LRRC41: variants seen among roughly 807,000 people sequenced by gnomAD.
LRRC41 encodes leucine-rich repeat-containing protein 41.
In LRRC41, 17 loss-of-function variants were observed where a neutral mutation model predicts 72.1. The ratio of observed to expected loss-of-function variants is 0.24; its 90% CI spans 0.16 to 0.35. The LOEUF (loss-of-function observed/expected upper bound fraction) is 0.35, where lower values mean the gene tolerates loss of function less well. LRRC41 is among the 10% of genes least tolerant of loss of function. The pLI, the probability that LRRC41 is intolerant of heterozygous loss-of-function variation, is 1.00. For synonymous variants in LRRC41, 427 were observed against 431.0 expected (o/e 0.99, Z 0.11); for missense variants, 759 against 1,065.0 (o/e 0.71, Z 4.00).
rs1240598345 is a variant in LRRC41, at chr1:46,286,817, C to T, written c.358-318G>A. Among the ~76,000 whole-genome samples the T allele has an allele frequency of 6.6e-5, 10 of 152,022 alleles. No homozygotes were observed. The highest frequency in any genetic ancestry group is 6.6e-4 in the Admixed American group (10 of 15,244). The stretch of plus-strand genomic sequence containing the variant: ...CCATGTTTGTTTCTAGAACCTTATC[C>T]CAATTTTTTTTTTCTTTTTAAGATA... On this transcript the variant is annotated intron_variant, in intron 3 of 9. Coordinates refer to ENST00000617190, the MANE Select transcript of LRRC41 (RefSeq NM_006369.5). This position sits in a 1 kb window ranked among gnomAD's most constrained non-coding sequence, Gnocchi z 5.5.
chr1:46,298,598 A>G, intron 1 of LRRC41: 1 of 426,964 alleles, frequency 2.3e-6, no homozygotes, highest in Non-Finnish European at 4.2e-6. Flanking sequence ...ATCATCCCAC[A>G]AAACAAGCTG....
rs1660856823 is a variant in LRRC41 at position 46,285,060 on chromosome 1, A to G, written c.1495+302T>C. 1 of 426,426 alleles carries G rather than the reference A, an allele frequency of 2.3e-6. No individual in the cohort carries two copies. Among genetic ancestry groups the G allele is most frequent in the South Asian group, 2.4e-5 (1 of 42,284 alleles). The allele number at this position is 426,426 out of a possible 1,614,324, so 26.4% of individuals were successfully genotyped here. On this transcript the variant is annotated intron_variant, in intron 4 of 9. Transcript: ENST00000617190. The surrounding 1 kb of genome is among the most constrained non-coding windows in gnomAD (Gnocchi z 5.3). ...AGCCCTGCCTGAGCATGCATATACT[A>G]TACTGCTCCCACCTGCCCTTGGACT...
chr1:46,303,289 A>C lies in LRRC41; in HGVS notation c.34T>G (p.Cys12Gly). ...GCCGCCGCTACCTCACAGAACCAGC[A>C]ACTCCGGGCGCGCCAGGCCTCGGGC... ...AAPEAWRARS[C>G]WFCEVAAATT... The change falls in exon 1 of 10, where the codon TGC becomes GGC. Residue 12 changes from cysteine to glycine, a missense_variant. Around this residue, in one of 4 missense-constraint regions of LRRC41, gnomAD observed 106 missense variants for 66.1 expected, o/e 1.60. Transcript: ENST00000617190. The C allele has an allele frequency of 6.5e-7, 1 of 1,540,780 alleles. No individual in the cohort carries two copies. Among genetic ancestry groups the C allele is most frequent in the East Asian group, 2.5e-5 (1 of 40,466 alleles).
In LRRC41 at chr1:46,278,108, C is replaced by T. The variant is rs1194815795; in HGVS notation, c.*757G>A. On this transcript the variant is annotated 3_prime_UTR_variant, in exon 10 of 10. Coordinates refer to ENST00000617190, the MANE Select transcript of LRRC41 (RefSeq NM_006369.5). ...GACGTTGTGTCAACAGCCGTCAGAT[C>T]CGGCCACCCCCTGATGGTTCTGACT... 1.2e-6 allele frequency: 2 copies of T among 1,613,990 alleles called. No homozygotes were observed. Among genetic ancestry groups the T allele is most frequent in the Middle Eastern group, 1.6e-4 (1 of 6,062 alleles).
At chr1:46,297,422 T>C (rs1263792410) in intron 3 of LRRC41, 141 bp downstream of exon 3, 1 of 618,430 alleles carries the variant, frequency 1.6e-6, no homozygotes, top group East Asian at 2.8e-5. Context: ...CAAAACCTTG[T>C]GACAAGCCAT....
Position 46,278,455 on chromosome 1 carries a change from A to G in LRRC41, c.*410T>C, listed in dbSNP as rs1660691219. 2 of 830,168 alleles carry G rather than the reference A, an allele frequency of 2.4e-6. No homozygotes were observed. Among genetic ancestry groups the G allele is most frequent in the South Asian group, 3.2e-5 (2 of 62,522 alleles). The allele number at this position is 830,168 out of a possible 1,614,324, so 51.4% of individuals were successfully genotyped here. A position where few individuals can be genotyped will look rare whatever the true frequency, so the allele number is the denominator to read the frequency against. ...AAAACTTTTTTGGTTAAAAAAAAGA[A>G]TAAAGGTATGAAAGGGTTTGAGGCC... On this transcript the variant is annotated 3_prime_UTR_variant, in exon 10 of 10. Transcript: ENST00000617190.
chr1:46,283,902 G>A (rs2148314909), intron 4 of LRRC41, among the ~76,000 whole-genome samples: 1 of 152,170 alleles, frequency 6.6e-6, no homozygotes, highest in Non-Finnish European at 1.5e-5. Context: ...CTGACCTCGT[G>A]ATCCACCCAC....
In LRRC41 at chr1:46,278,774, A is replaced by C. The variant is rs555399448; in HGVS notation, c.*91T>G. On this transcript the variant is annotated 3_prime_UTR_variant, in exon 10 of 10. Coordinates refer to ENST00000617190, the MANE Select transcript of LRRC41 (RefSeq NM_006369.5). ...GAAAAAAGGTGACAGAAAGAGAAAG[A>C]TAGAACTGGTGGTTGGGGTTCTGGG... The C allele has an allele frequency of 8.1e-7, 1 of 1,241,600 alleles. No individual in the cohort carries two copies. The highest frequency in any genetic ancestry group is 1.5e-5 in the African/African-American group (1 of 67,054). 76.9% of individuals were successfully genotyped at this position (1,241,600 alleles called of 1,614,324 possible).
rs181658315 is a variant in LRRC41, at chr1:46,291,509, A to T, written c.358-5010T>A. Among the ~76,000 whole-genome samples the T allele has an allele frequency of 2.3e-4, 32 of 137,746 alleles. No individual in the cohort carries two copies. In the East Asian group the frequency reaches 4.2e-3, roughly 18 times the overall value. The allele number at this position is 137,746 out of a possible 152,430, so 90.4% of individuals were successfully genotyped here. ...GCCACTATGCACAGCTAATTTTTAA[A>T]TTTTTTCTGTAGAGATAAGGTCTCA... On this transcript the variant is annotated intron_variant, in intron 3 of 9. Transcript: ENST00000617190.
chr1:46,296,684 T>C (rs748502428), intron 3 of LRRC41: 1 of 152,312 alleles, frequency 6.6e-6, no homozygotes, highest in South Asian at 2.1e-4. Context: ...TGCAACCCCT[T>C]TTACAATGCT....
At position 46,285,841 on chromosome 1, in the gene LRRC41, T is replaced by C. The variant is rs1213250444; in HGVS notation, c.1016A>G (p.Lys339Arg). Reference sequence around the variant, plus strand: ...GGTGGCTGGGGGGTGCAGCTCCCTCTTAAGGTCTGTTCCGCCTGCTGTCAG... The same window carrying C: ...GGTGGCTGGGGGGTGCAGCTCCCTCCTAAGGTCTGTTCCGCCTGCTGTCAG... ...ESLTAGGTDL[K>R]RELHPPATSH... Residue 339 changes from lysine to arginine, a missense_variant, in exon 4 of 10, where the codon AAG becomes AGG. Physicochemically the swap from Lys to Arg is conservative, Grantham distance 26 (BLOSUM62 2). Transcript: ENST00000617190. This position sits in a 1 kb window ranked among gnomAD's most constrained non-coding sequence, Gnocchi z 5.3. 6 of 1,592,264 alleles carry C rather than the reference T, an allele frequency of 3.8e-6. No homozygotes were observed. The highest frequency in any genetic ancestry group is 3.4e-6 in the Non-Finnish European group (4 of 1,170,642).
At chr1:46,291,335 C>A (rs1283940396) in intron 3 of LRRC41, among the ~76,000 whole-genome samples, 1 of 151,948 alleles carries the variant, frequency 6.6e-6, no homozygotes, top group African/African-American at 2.4e-5. Flanking sequence ...GAACTTATAG[C>A]CAAATTATTT....
At chr1:46,301,849 G>C in intron 1 of LRRC41, 3 of 568,038 alleles carry the variant, frequency 5.3e-6, no homozygotes, top group South Asian at 7.7e-5. Context: ...AGCAGGCCTC[G>C]GCCGGGCCTG....
At chr1:46,283,022 C>CAA (rs59632701) in intron 4 of LRRC41, among the ~76,000 whole-genome samples, 6 of 53,850 alleles carry the variant, frequency 1.1e-4, no homozygotes, top group African/African-American at 2.1e-4. Context: ...GACTCCCTGT[C>CAA]AAAAAAAAAA....
rs1006549077 is a variant in LRRC41, at chr1:46,279,864, C to G, written c.2021-250G>C. Among the ~76,000 whole-genome samples the G allele has an allele frequency of 6.6e-6, 1 of 152,194 alleles. No individual in the cohort carries two copies. Among genetic ancestry groups the G allele is most frequent in the Non-Finnish European group, 1.5e-5 (1 of 68,040 alleles). Reference sequence around the variant, plus strand: ...CACTTCCTTCTTTCCCTAACACTGGCCACCCTCTATGCGGGGGTGGGGATC... The same window carrying G: ...CACTTCCTTCTTTCCCTAACACTGGGCACCCTCTATGCGGGGGTGGGGATC... On this transcript the variant is annotated intron_variant, in intron 7 of 9. Transcript: ENST00000617190. The surrounding 1 kb of genome is among the most constrained non-coding windows in gnomAD (Gnocchi z 4.5).
chr1:46,281,100 CACAA>C (rs767519722), intron 5 of LRRC41, 21 bp downstream of exon 5: 11 of 1,611,864 alleles, frequency 6.8e-6, no homozygotes, highest in East Asian at 2.2e-5. Context: ...CGTGCACACA[CACAA>C]ACACACACAC....
Position 46,278,821 on chromosome 1 carries a change from C to CA in LRRC41, c.*43dup. ...TGGGCAGCCCATGCTTCAGCCCCTG[C>CA]AAGCTGATGGTACCGAGCATGAGAC... is the stretch of plus-strand genomic sequence containing the variant. On this transcript the variant is annotated 3_prime_UTR_variant, in exon 10 of 10. Coordinates refer to ENST00000617190, the MANE Select transcript of LRRC41 (RefSeq NM_006369.5). The CA allele has an allele frequency of 1.9e-6, 3 of 1,575,692 alleles. No homozygotes were observed. The Middle Eastern group carries it at 5.0e-4, about 263-fold the overall frequency.
At chr1:46,293,898 C>T (rs1341859647) in intron 3 of LRRC41, among the ~76,000 whole-genome samples, 1 of 151,684 alleles carries the variant, frequency 6.6e-6, no homozygotes, top group Admixed American at 6.6e-5. Flanking sequence ...GTAGTAATCC[C>T]AGAGTAGCTG....
chr1:46,302,619 G>C lies in LRRC41; in HGVS notation c.199+505C>G, dbSNP rs1001580919. ...CCATCGGCTTGGCCTCCGGAATCTC[G>C]ACCCCCGTGGCGTGTCAGGCAGATG... is the stretch of plus-strand genomic sequence containing the variant. On this transcript the variant is annotated intron_variant, in intron 1 of 9. Coordinates refer to ENST00000617190, the MANE Select transcript of LRRC41 (RefSeq NM_006369.5). This position sits in a 1 kb window ranked among gnomAD's most constrained non-coding sequence, Gnocchi z 4.7. 5.4e-5 allele frequency: 53 copies of C among 984,970 alleles called. No individual in the cohort carries two copies. The highest frequency in any genetic ancestry group is 1.9e-5 in the Non-Finnish European group (16 of 829,872). The allele number at this position is 984,970 out of a possible 1,614,324, so 61.0% of individuals were successfully genotyped here.
Sources: allele counts gnomAD v4.1 joint callset (sites outside exome capture counted in the v4.1 genomes callset), GRCh38; gene constraint gnomAD v4.1.1; regional missense constraint gnomAD v4.1.1; non-coding constraint Gnocchi (gnomAD v3.1); transcripts MANE v1.5; gene names NCBI Gene and HGNC (gene_info 2026-07-23, HGNC 2026-07-21).